The following ULK4 variants were observed in gnomAD, a reference collection of about 807,000 sequenced individuals.
ULK4 encodes the protein unc-51 like kinase 4, also known as inactive serine/threonine-protein kinase ULK4.
A neutral mutation model predicts 160.6 loss-of-function variants in ULK4; 133 were observed. That is an observed-to-expected ratio of 0.83 (90% CI 0.72 to 0.96). The LOEUF (loss-of-function observed/expected upper bound fraction) is 0.96, where lower values mean the gene tolerates loss of function less well. Ranked by LOEUF, ULK4 falls within the 40% of genes least tolerant of loss-of-function variation. The probability of loss-of-function intolerance (pLI) is 0.00; values close to 1 mark genes in which losing one functional copy is unlikely to be tolerated. For missense variants in ULK4, 1,580 were observed against 1,499.5 expected (o/e 1.05, Z -0.89); for synonymous variants, 534 against 539.8 (o/e 0.99, Z 0.15).
intron 35 of ULK4, among the ~76,000 whole-genome samples, chr3:41,376,817 T>A (rs939212761): frequency 3.3e-5 from 5 of 150,054 alleles, no homozygotes; most frequent in Admixed American, 2.6e-4. Context: ...ATTTACAGAT[T>A]CAATGCCATC....
chr3:41,767,191 T>C (rs2039195129), intron 21 of ULK4, among the ~76,000 whole-genome samples: 1 of 152,156 alleles, frequency 6.6e-6, no homozygotes, highest in African/African-American at 2.4e-5. Context: ...TAAAACACAG[T>C]TGTTTAAAAA....
At chr3:41,775,960 G>A (rs186507309) in intron 21 of ULK4, among the ~76,000 whole-genome samples, 25 of 150,782 alleles carry the variant, frequency 1.7e-4, no homozygotes, top group Admixed American at 1.4e-3. Context: ...TTATGTTACT[G>A]CAAACACTAC....
At chr3:41,433,735 T>TTA (rs2082966863) in intron 34 of ULK4, among the ~76,000 whole-genome samples, 1 of 152,034 alleles carries the variant, frequency 6.6e-6, no homozygotes, top group East Asian at 1.9e-4. Context: ...AAACTTTTTT[T>TTA]TTGAGACGGA....
intron 35 of ULK4, among the ~76,000 whole-genome samples, chr3:41,349,759 C>T (rs56138736): frequency 5.3e-5 from 8 of 152,184 alleles, no homozygotes; most frequent in East Asian, 3.9e-4. Context: ...CACACACATA[C>T]GGCATGTAAG....
chr3:41,453,077 A>C (rs1320449112), intron 34 of ULK4, among the ~76,000 whole-genome samples: 2 of 152,226 alleles, frequency 1.3e-5, no homozygotes, highest in Non-Finnish European at 2.9e-5. Context: ...CTATGTCATA[A>C]GGAAAGAAGG....
chr3:41,540,329 C>T (rs925802764), intron 32 of ULK4, among the ~76,000 whole-genome samples: 5 of 152,120 alleles, frequency 3.3e-5, no homozygotes, highest in Non-Finnish European at 5.9e-5. Context: ...AGAACGATGG[C>T]ATCCAGCTTA....
In ULK4 at chr3:41,605,741, A is replaced by T. The variant is rs557594451; in HGVS notation, c.3120+9928T>A. ...GGTAAAGATAAAGATGACTTGAACA[A>T]CAATGACAACCTATTTATCTAATTG... On this transcript the variant is annotated intron_variant, in intron 31 of 36. Coordinates refer to ENST00000301831, the MANE Select transcript of ULK4 (RefSeq NM_017886.4). Among the ~76,000 whole-genome samples, 14 of 152,148 alleles carry T rather than the reference A, an allele frequency of 9.2e-5. No individual in the cohort carries two copies. In the South Asian group the frequency reaches 1.0e-3, roughly 11 times the overall value.
In ULK4 at chr3:41,300,837, TTATATATATATA is replaced by T. The variant is rs66602936; in HGVS notation, c.3679-51275_3679-51264del. Among the ~76,000 whole-genome samples, 414 of 57,860 alleles carry T rather than the reference TTATATATATATA, an allele frequency of 7.2e-3. 1 individual carries two copies. The highest frequency in any genetic ancestry group is 0.014 in the East Asian group (21 of 1,480). The allele number at this position is 57,860 out of a possible 152,430, so 38.0% of individuals were successfully genotyped here. A position where few individuals can be genotyped will look rare whatever the true frequency, so the allele number is the denominator to read the frequency against. ...GATTAAATTTTGATCATTTTACAGA[TTATATATATATA>T]TATATATATATATATATATATATAT... On this transcript the variant is annotated intron_variant, in intron 35 of 36. Transcript: ENST00000301831.
At chr3:41,899,955 AAG>A (rs1301029436) in intron 13 of ULK4, among the ~76,000 whole-genome samples, 2 of 152,192 alleles carry the variant, frequency 1.3e-5, no homozygotes, top group African/African-American at 4.8e-5. Flanking sequence ...GATAAGAAAA[AAG>A]AGTCATGAAT....
At chr3:41,762,655 CTTTTTT>C (rs35695794) in intron 21 of ULK4, among the ~76,000 whole-genome samples, 1 of 88,976 alleles carries the variant, frequency 1.1e-5, no homozygotes, top group East Asian at 3.3e-4. Context: ...AAGTGTTACA[CTTTTTT>C]TTTTTTTTTT....
intron 31 of ULK4, among the ~76,000 whole-genome samples, chr3:41,590,977 A>G (rs1575458222): frequency 6.6e-6 from 1 of 152,258 alleles, no homozygotes; most frequent in East Asian, 1.9e-4. Flanking sequence ...CAAGAGCTTA[A>G]TAAACCACAG....
chr3:41,288,823 C>A (rs2079509046), intron 35 of ULK4, among the ~76,000 whole-genome samples: 1 of 152,198 alleles, frequency 6.6e-6, no homozygotes. Flanking sequence ...GCTGTGTATA[C>A]TGAGAGGAAA....
intron 34 of ULK4, among the ~76,000 whole-genome samples, chr3:41,415,756 C>T (rs146386466): frequency 1.8e-4 from 27 of 152,276 alleles, no homozygotes; most frequent in African/African-American, 6.0e-4. Context: ...ATTCAGATCA[C>T]TCGTCACTCC....
At position 41,548,633 on chromosome 3, in the gene ULK4, G is replaced by A. The variant is rs578243267; in HGVS notation, c.3226+17392C>T. On this transcript the variant is annotated intron_variant, in intron 32 of 36. Coordinates refer to ENST00000301831, the MANE Select transcript of ULK4 (RefSeq NM_017886.4). ...ACCACAATGCCATTGCAGATGCCAT[G>A]TACACTACCCAGAGGCAAAATGACC... 1.2e-4 allele frequency among the ~76,000 whole-genome samples: 18 copies of A among 152,116 alleles called. No individual in the cohort carries two copies. In the East Asian group the frequency reaches 3.3e-3, roughly 28 times the overall value.
chr3:41,706,889 GTA>G (rs1237594470), intron 25 of ULK4, among the ~76,000 whole-genome samples: 1,806 of 115,590 alleles, frequency 0.016, 28 homozygotes, highest in African/African-American at 0.031. Flanking sequence ...GTGTGTGTGT[GTA>G]TATATATATA....
intron 32 of ULK4, among the ~76,000 whole-genome samples, chr3:41,551,287 A>C (rs2087053558): frequency 1.3e-5 from 2 of 151,858 alleles, no homozygotes; most frequent in African/African-American, 4.8e-5. Context: ...TCAGATTAGA[A>C]CTAAAAAGAA....
intron 33 of ULK4, among the ~76,000 whole-genome samples, chr3:41,461,212 T>G (rs2083676248): frequency 6.6e-6 from 1 of 152,176 alleles, no homozygotes; most frequent in Non-Finnish European, 1.5e-5. Context: ...AATCTAAGCA[T>G]TATTATAATT....
At chr3:41,687,597 G>T (rs2036143548) in intron 27 of ULK4, among the ~76,000 whole-genome samples, 1 of 152,120 alleles carries the variant, frequency 6.6e-6, no homozygotes, top group Non-Finnish European at 1.5e-5. Context: ...AAACCACTCT[G>T]CTGGGTTGAC....
intron 2 of ULK4, among the ~76,000 whole-genome samples, chr3:41,945,588 T>G (rs1230644290): frequency 6.6e-6 from 1 of 152,228 alleles, no homozygotes; most frequent in African/African-American, 2.4e-5. Context: ...TTCCCTCACG[T>G]TGGCCTAATG....
Sources: allele counts gnomAD v4.1 joint callset (sites outside exome capture counted in the v4.1 genomes callset), GRCh38; gene constraint gnomAD v4.1.1; transcripts MANE v1.5; gene names NCBI Gene and HGNC (gene_info 2026-07-23, HGNC 2026-07-21).